Variants in PCDH7 observed in about 807,000 individuals in gnomAD.
The protein encoded by PCDH7 is protocadherin 7.
Under a neutral mutation model 58.9 loss-of-function variants are expected in PCDH7, and 17 were observed. That is an observed-to-expected ratio of 0.29 (90% CI 0.20 to 0.43). The LOEUF is 0.43. Ranked by LOEUF, PCDH7 falls within the 20% of genes least tolerant of loss-of-function variation. The pLI, the probability that PCDH7 is intolerant of heterozygous loss-of-function variation, is 1.00. For synonymous variants in PCDH7, 664 were observed against 616.4 expected, an observed-to-expected ratio of 1.08 and a Z score of -1.14; for missense variants, 1,274 against 1,441.0, an observed-to-expected ratio of 0.88 and a Z score of 1.88.
At chr4:30,823,993 G>A (rs1034075725) in intron 1 of PCDH7, among the ~76,000 whole-genome samples, 2 of 152,062 alleles carry the variant, frequency 1.3e-5, no homozygotes, top group African/African-American at 4.8e-5. Context: ...AAGTTCCAAG[G>A]ATTTCACAGA....
At chr4:31,109,779 C>T (rs1467724606) in intron 3 of PCDH7, among the ~76,000 whole-genome samples, 1 of 152,190 alleles carries the variant, frequency 6.6e-6, no homozygotes, top group Non-Finnish European at 1.5e-5. Flanking sequence ...AAGTACTCTG[C>T]CATGTCCCAC....
intron 1 of PCDH7, among the ~76,000 whole-genome samples, chr4:30,824,796 C>T (rs772288373): frequency 6.6e-5 from 10 of 152,016 alleles, no homozygotes; most frequent in African/African-American, 1.2e-4. Flanking sequence ...AAACGTGCTT[C>T]GACTTTGTAG....
At chr4:31,005,969 T>G (rs1394030220) in intron 3 of PCDH7, among the ~76,000 whole-genome samples, 2 of 152,202 alleles carry the variant, frequency 1.3e-5, no homozygotes, top group Non-Finnish European at 2.9e-5. Flanking sequence ...GACAAGTTCA[T>G]CTCGAGCCTG....
chr4:30,840,946 G>T (rs1158935853), intron 1 of PCDH7, among the ~76,000 whole-genome samples: 3 of 151,262 alleles, frequency 2.0e-5, no homozygotes, highest in African/African-American at 7.3e-5. Context: ...AGGAAACACT[G>T]CCATGCATAA....
chr4:30,793,077 G>A (rs964425882), intron 1 of PCDH7, among the ~76,000 whole-genome samples: 2 of 151,934 alleles, frequency 1.3e-5, no homozygotes, highest in African/African-American at 2.4e-5. Context: ...TTATCATGTG[G>A]GCCTTTTAAA....
At chr4:30,882,457 C>T (rs1423277786) in intron 1 of PCDH7, among the ~76,000 whole-genome samples, 2 of 152,072 alleles carry the variant, frequency 1.3e-5, no homozygotes, top group African/African-American at 4.8e-5. Flanking sequence ...CAGGATCTCA[C>T]TGTGCTGCCC....
At chr4:30,938,808 G>A (rs1745676277) in intron 2 of PCDH7, among the ~76,000 whole-genome samples, 1 of 151,984 alleles carries the variant, frequency 6.6e-6, no homozygotes, top group Admixed American at 6.6e-5. Context: ...TACTCAACAT[G>A]CCAACCTGAA....
chr4:30,755,311 T>G (rs1021768941), intron 1 of PCDH7, among the ~76,000 whole-genome samples: 2 of 152,180 alleles, frequency 1.3e-5, no homozygotes, highest in Non-Finnish European at 2.9e-5. Context: ...TCCTCACAAT[T>G]TTGACTTGCC....
intron 1 of PCDH7, among the ~76,000 whole-genome samples, chr4:30,879,650 A>G (rs555262283): frequency 2.0e-5 from 3 of 152,164 alleles, no homozygotes; most frequent in Non-Finnish European, 4.4e-5. Flanking sequence ...CAATAAAGCA[A>G]TTATCGCCAT....
chr4:30,974,245 T>C (rs935692640), intron 3 of PCDH7, among the ~76,000 whole-genome samples: 18 of 68,806 alleles, frequency 2.6e-4, no homozygotes, highest in South Asian at 8.7e-4. Flanking sequence ...TTTCTTTCTT[T>C]CTTCCTTTCC....
At chr4:31,103,544 G>T (rs970573580) in intron 3 of PCDH7, among the ~76,000 whole-genome samples, 2 of 151,870 alleles carry the variant, frequency 1.3e-5, no homozygotes, top group African/African-American at 4.8e-5. Context: ...CACCATGTTG[G>T]CCAGGCTGAT....
chr4:31,060,327 A>G (rs1375126034), intron 3 of PCDH7, among the ~76,000 whole-genome samples: 1 of 151,748 alleles, frequency 6.6e-6, no homozygotes, highest in East Asian at 1.9e-4. Flanking sequence ...GGGTCACTTA[A>G]TTATACTTTT....
intron 3 of PCDH7, among the ~76,000 whole-genome samples, chr4:31,088,503 G>T (rs1474643310): frequency 6.6e-6 from 1 of 151,926 alleles, no homozygotes; most frequent in Non-Finnish European, 1.5e-5. Context: ...GCTTTGTGTT[G>T]TATTTGTATA....
At position 30,815,755 on chromosome 4, in the gene PCDH7, G is replaced by C. The variant is rs537395492; in HGVS notation, c.70+91159G>C. On this transcript the variant is annotated intron_variant, in intron 1 of 3. Transcript: ENST00000509759. ...ACTCATGAGATCTTATTGGGAAGCT[G>C]CTGATCACTAGCTTCAAGTTTTTCT... 2.6e-5 allele frequency among the ~76,000 whole-genome samples: 4 copies of C among 152,322 alleles called. No homozygotes were observed. The East Asian group carries it at 7.7e-4, about 29-fold the overall frequency.
chr4:30,778,636 T>G (rs192079877), intron 1 of PCDH7, among the ~76,000 whole-genome samples: 1 of 152,288 alleles, frequency 6.6e-6, no homozygotes, highest in Non-Finnish European at 1.5e-5. Context: ...TGCTGGGATT[T>G]TTGCATTGCT....
intron 3 of PCDH7, among the ~76,000 whole-genome samples, chr4:31,080,207 A>T (rs1325236762): frequency 1.3e-5 from 2 of 152,170 alleles, no homozygotes; most frequent in African/African-American, 4.8e-5. Flanking sequence ...AAAATGTTTG[A>T]GTTGTAAAAT....
At chr4:30,907,818 C>T (rs1166483722) in intron 1 of PCDH7, among the ~76,000 whole-genome samples, 1 of 152,088 alleles carries the variant, frequency 6.6e-6, no homozygotes, top group Admixed American at 6.5e-5. Context: ...TATTGCGGCA[C>T]TACTCACAAT....
At chr4:30,963,690 A>G (rs888232394) in intron 3 of PCDH7, among the ~76,000 whole-genome samples, 1 of 152,198 alleles carries the variant, frequency 6.6e-6, no homozygotes, top group African/African-American at 2.4e-5. Context: ...AGAATGTATG[A>G]TATCTGCCAA....
intron 3 of PCDH7, among the ~76,000 whole-genome samples, chr4:31,031,695 T>A (rs753367324): frequency 2.0e-5 from 3 of 152,206 alleles, no homozygotes; most frequent in Non-Finnish European, 4.4e-5. Flanking sequence ...ATTCAATAGA[T>A]TTTGTTCTTT....
Sources: allele counts gnomAD v4.1 joint callset (sites outside exome capture counted in the v4.1 genomes callset), GRCh38; gene constraint gnomAD v4.1.1; transcripts MANE v1.5; gene names NCBI Gene and HGNC (gene_info 2026-07-23, HGNC 2026-07-21).